Variants in DLGAP2 observed in about 807,000 individuals in gnomAD.
DLGAP2 encodes the protein DLG associated protein 2.
Under a neutral mutation model 100.3 loss-of-function variants are expected in DLGAP2, and 26 were observed. The ratio of observed to expected loss-of-function variants is 0.26; its 90% CI spans 0.19 to 0.36. The LOEUF (loss-of-function observed/expected upper bound fraction) is 0.36. Ranked by LOEUF, DLGAP2 falls within the 10% of genes least tolerant of loss-of-function variation. The probability of loss-of-function intolerance (pLI) is 1.00; values close to 1 mark genes in which losing one functional copy is unlikely to be tolerated. For missense variants in DLGAP2, 1,858 were observed against 1,453.2 expected (o/e 1.28, Z -4.53); for synonymous variants, 886 against 630.1 (o/e 1.41, Z -6.08).
chr8:1,251,274 A>G (rs571638433), intron 2 of DLGAP2, among the ~76,000 whole-genome samples: 1 of 152,348 alleles, frequency 6.6e-6, no homozygotes, highest in African/African-American at 2.4e-5. Context: ...ATCTCCTAGC[A>G]TAGTACCTGA....
At chr8:1,277,505 T>G (rs1366499401) in intron 3 of DLGAP2, among the ~76,000 whole-genome samples, 1 of 151,928 alleles carries the variant, frequency 6.6e-6, no homozygotes, top group Non-Finnish European at 1.5e-5. Flanking sequence ...GTCAGGAGAA[T>G]TAGAAAAAAA....
At chr8:912,111 G>A (rs536722324) in intron 2 of DLGAP2, among the ~76,000 whole-genome samples, 32 of 152,254 alleles carry the variant, frequency 2.1e-4, no homozygotes, top group Admixed American at 2.0e-3. Flanking sequence ...CTACTGCCAC[G>A]AATAATTAGA....
chr8:1,637,871 G>A lies in DLGAP2; in HGVS notation c.1810+4825G>A, dbSNP rs75830603. Among the ~76,000 whole-genome samples the A allele has an allele frequency of 8.9e-3, 1,363 of 152,316 alleles. 20 individuals are homozygous for A. The highest frequency in any genetic ancestry group is 0.031 in the African/African-American group (1,293 of 41,558). On this transcript the variant is annotated intron_variant, in intron 8 of 14. Coordinates refer to ENST00000637795, the MANE Select transcript of DLGAP2 (RefSeq NM_001346810.2). The stretch of plus-strand genomic sequence containing the variant: ...GATGGCTCTGGAAACCCAGGGGAAA[G>A]CCAGCACTGCAGCAGCGTCCGGGAG...
At chr8:817,972 T>G in intron 1 of DLGAP2, among the ~76,000 whole-genome samples, 1 of 152,164 alleles carries the variant, frequency 6.6e-6, no homozygotes, top group East Asian at 1.9e-4. Context: ...GCATCAGCTG[T>G]GGTCCCATAG....
At chr8:1,269,077 A>T (rs1175815821) in intron 3 of DLGAP2, among the ~76,000 whole-genome samples, 1 of 152,174 alleles carries the variant, frequency 6.6e-6, no homozygotes, top group Non-Finnish European at 1.5e-5. Context: ...TGAATTCATC[A>T]AGTCTAAATA....
intron 3 of DLGAP2, among the ~76,000 whole-genome samples, chr8:1,420,457 T>C (rs983577479): frequency 1.3e-5 from 2 of 152,208 alleles, no homozygotes; most frequent in African/African-American, 2.4e-5. Flanking sequence ...CTCAGCACTT[T>C]GAGTTTTTTC....
At chr8:1,317,916 CG>C in intron 3 of DLGAP2, among the ~76,000 whole-genome samples, 1 of 114,690 alleles carries the variant, frequency 8.7e-6, no homozygotes, top group African/African-American at 3.7e-5. Context: ...GGTCTACACT[CG>C]AGACACTCGT....
intron 1 of DLGAP2, among the ~76,000 whole-genome samples, chr8:768,952 T>A (rs963814372): frequency 6.6e-6 from 1 of 152,060 alleles, no homozygotes; most frequent in Non-Finnish European, 1.5e-5. Flanking sequence ...ACCTTGGGCG[T>A]CCGCAGCCTG....
chr8:1,664,283 G>C (rs974527766), intron 8 of DLGAP2, among the ~76,000 whole-genome samples: 1 of 152,164 alleles, frequency 6.6e-6, no homozygotes, highest in Non-Finnish European at 1.5e-5. Flanking sequence ...GTGGTGGCAT[G>C]GGTACATCTA....
At chr8:892,011 C>T (rs985945891) in intron 1 of DLGAP2, among the ~76,000 whole-genome samples, 27 of 152,342 alleles carry the variant, frequency 1.8e-4, no homozygotes, top group African/African-American at 6.0e-4. Flanking sequence ...GAGAAAGCCC[C>T]TTTTGCCCCT....
intron 12 of DLGAP2, among the ~76,000 whole-genome samples, chr8:1,684,496 C>T (rs990514952): frequency 5.3e-5 from 8 of 152,076 alleles, no homozygotes; most frequent in Admixed American, 2.0e-4. Context: ...AAACTCTGAT[C>T]TCTGAATATT....
In DLGAP2 at chr8:1,420,014, A is replaced by C. The variant is rs186858805; in HGVS notation, c.107-81352A>C. On this transcript the variant is annotated intron_variant, in intron 3 of 14. Transcript: ENST00000637795. ...CAGCTGTAAAAAGAATGAAATCCTT[A>C]GGGTTTTTTATGTAGACTTTGTTAC... Among the ~76,000 whole-genome samples the C allele has an allele frequency of 8.5e-5, 13 of 152,346 alleles. No individual in the cohort carries two copies. In the East Asian group the frequency reaches 2.5e-3, roughly 29 times the overall value.
intron 3 of DLGAP2, among the ~76,000 whole-genome samples, chr8:1,277,709 C>G (rs1450345518): frequency 6.6e-6 from 1 of 152,088 alleles, no homozygotes; most frequent in East Asian, 1.9e-4. Flanking sequence ...AGCAGCTGCA[C>G]CGAGGTCGGG....
chr8:1,124,619 A>G (rs1396775499), intron 2 of DLGAP2, among the ~76,000 whole-genome samples: 2 of 152,354 alleles, frequency 1.3e-5, no homozygotes, highest in South Asian at 2.1e-4. Context: ...AAGCTGCTTA[A>G]GAAAGCCAAG....
At chr8:1,137,973 G>A (rs1254237345) in intron 2 of DLGAP2, among the ~76,000 whole-genome samples, 1 of 152,026 alleles carries the variant, frequency 6.6e-6, no homozygotes, top group Non-Finnish European at 1.5e-5. Context: ...CTGGCCTCAA[G>A]CAATCCACCC....
At chr8:1,573,525 T>C (rs1802836452) in intron 6 of DLGAP2, among the ~76,000 whole-genome samples, 1 of 152,088 alleles carries the variant, frequency 6.6e-6, no homozygotes, top group Non-Finnish European at 1.5e-5. Flanking sequence ...CTGACTGCCA[T>C]CCGTGGGTTT....
At chr8:1,304,002 G>A (rs1221180801) in intron 3 of DLGAP2, among the ~76,000 whole-genome samples, 4 of 152,198 alleles carry the variant, frequency 2.6e-5, no homozygotes, top group Non-Finnish European at 5.9e-5. Context: ...GCAGACCCTG[G>A]AAGGCTGCTT....
At chr8:1,207,300 G>A (rs934419670) in intron 2 of DLGAP2, among the ~76,000 whole-genome samples, 1 of 152,140 alleles carries the variant, frequency 6.6e-6, no homozygotes, top group Non-Finnish European at 1.5e-5. Context: ...ACATAGCTTA[G>A]CTCCCACTTG....
intron 2 of DLGAP2, among the ~76,000 whole-genome samples, chr8:1,179,149 T>G (rs576173887): frequency 6.6e-6 from 1 of 152,406 alleles, no homozygotes; most frequent in East Asian, 1.9e-4. Context: ...TTTCAGGGAC[T>G]TAATTTCTTT....
Sources: allele counts gnomAD v4.1 joint callset (sites outside exome capture counted in the v4.1 genomes callset), GRCh38; gene constraint gnomAD v4.1.1; transcripts MANE v1.5; gene names NCBI Gene and HGNC (gene_info 2026-07-23, HGNC 2026-07-21).